The following HPSE2 variants were observed in gnomAD, a reference collection of about 807,000 sequenced individuals.
HPSE2 encodes heparanase 2 (inactive).
Under a neutral mutation model 60.5 loss-of-function variants are expected in HPSE2, and 38 were observed. The observed-to-expected ratio is 0.63, with a 90% CI of 0.48 to 0.82. The LOEUF (loss-of-function observed/expected upper bound fraction) is 0.82, where lower values mean the gene tolerates loss of function less well. Among genes scored for constraint, HPSE2 ranks in the 40% least tolerant of loss-of-function variants. The pLI, the probability that HPSE2 is intolerant of heterozygous loss-of-function variation, is 0.00. For missense variants in HPSE2, 713 were observed against 740.4 expected (o/e 0.96, Z 0.43); for synonymous variants, 295 against 293.2 (o/e 1.01, Z -0.06).
chr10:98,661,409 C>T (rs940519542), intron 6 of HPSE2, among the ~76,000 whole-genome samples: 2 of 152,138 alleles, frequency 1.3e-5, no homozygotes, highest in African/African-American at 4.8e-5. Flanking sequence ...GAACAAAAAG[C>T]ATATGGTAAA....
intron 9 of HPSE2, among the ~76,000 whole-genome samples, chr10:98,610,293 C>G (rs925237807): frequency 2.0e-5 from 3 of 152,184 alleles, no homozygotes; most frequent in Admixed American, 6.5e-5. Flanking sequence ...TGGAGGGAAA[C>G]AAGGATGGAG....
intron 3 of HPSE2, among the ~76,000 whole-genome samples, chr10:98,832,256 C>T (rs1565196026): frequency 6.6e-6 from 1 of 152,048 alleles, no homozygotes; most frequent in Non-Finnish European, 1.5e-5. Context: ...AGTCCTAAGA[C>T]CTAAAGTTTG....
chr10:99,018,305 G>A (rs1294098629), intron 3 of HPSE2, among the ~76,000 whole-genome samples: 1 of 152,214 alleles, frequency 6.6e-6, no homozygotes, highest in East Asian at 1.9e-4. Flanking sequence ...GCCAGGGAAT[G>A]GGAGTAGTTT....
Position 98,459,288 on chromosome 10 carries a change from G to C in HPSE2, c.*286C>G. On this transcript the variant is annotated 3_prime_UTR_variant, in exon 12 of 12. Coordinates refer to ENST00000370552, the MANE Select transcript of HPSE2 (RefSeq NM_021828.5). ...TCTCCTGGGAGTGTGCTGTCAGCTC[G>C]TTTTCATAGTGCACATGAAGGGAAA... 4 of 435,476 alleles carry C rather than the reference G, an allele frequency of 9.2e-6. No individual in the cohort carries two copies. The highest frequency in any genetic ancestry group is 1.3e-5 in the Non-Finnish European group (3 of 233,484). The allele number at this position is 435,476 out of a possible 1,614,324, so 27.0% of individuals were successfully genotyped here.
At chr10:98,928,158 C>T (rs1197490377) in intron 3 of HPSE2, among the ~76,000 whole-genome samples, 1 of 148,098 alleles carries the variant, frequency 6.8e-6, no homozygotes, top group East Asian at 2.0e-4. Context: ...AACAAACAAC[C>T]CCATCAAAAA....
At position 98,549,877 on chromosome 10, in the gene HPSE2, C is replaced by T. The variant is rs75634449; in HGVS notation, c.1321-59681G>A. ...CAAGTTGTCCTCAGTCTCCTTTTACCAGATCTATTCCTGAGCAATATCATC... is the reference window on the plus strand; with the variant it reads ...CAAGTTGTCCTCAGTCTCCTTTTACTAGATCTATTCCTGAGCAATATCATC... On this transcript the variant is annotated intron_variant, in intron 9 of 11. Transcript: ENST00000370552. Among the ~76,000 whole-genome samples the T allele has an allele frequency of 2.0e-3, 308 of 152,234 alleles. 1 individual carries two copies. Among genetic ancestry groups the T allele is most frequent in the African/African-American group, 6.4e-3 (265 of 41,548 alleles).
At chr10:98,661,138 T>C (rs533628344) in intron 6 of HPSE2, among the ~76,000 whole-genome samples, 40 of 152,288 alleles carry the variant, frequency 2.6e-4, no homozygotes, top group African/African-American at 8.7e-4. Context: ...ACAAGCCCGA[T>C]GCAGGCTGAG....
chr10:99,070,721 C>T (rs763243384), intron 3 of HPSE2, among the ~76,000 whole-genome samples: 3 of 152,104 alleles, frequency 2.0e-5, no homozygotes, highest in Non-Finnish European at 4.4e-5. Flanking sequence ...ATTGGTTTGG[C>T]TATTTTAGAT....
intron 3 of HPSE2, among the ~76,000 whole-genome samples, chr10:99,108,492 T>C (rs180739116): frequency 1.3e-5 from 2 of 152,198 alleles, no homozygotes; most frequent in African/African-American, 4.8e-5. Context: ...ATATATTTCA[T>C]GGCTAACTTA....
At chr10:98,483,455 G>C (rs1310448283) in intron 10 of HPSE2, among the ~76,000 whole-genome samples, 1 of 152,166 alleles carries the variant, frequency 6.6e-6, no homozygotes, top group African/African-American at 2.4e-5. Context: ...TATGTCATGT[G>C]TATAAACTTT....
intron 3 of HPSE2, among the ~76,000 whole-genome samples, chr10:98,802,390 T>C (rs564065155): frequency 3.6e-4 from 55 of 151,648 alleles, no homozygotes; most frequent in African/African-American, 1.3e-3. Context: ...TACATATGTA[T>C]ACATGTGCCA....
intron 6 of HPSE2, among the ~76,000 whole-genome samples, chr10:98,676,131 C>G (rs904672988): frequency 2.0e-5 from 3 of 152,048 alleles, no homozygotes; most frequent in African/African-American, 7.2e-5. Context: ...CTTTTAACAT[C>G]CATACATTTA....
rs34148639 is a variant in HPSE2, at chr10:99,224,420, G to GACACACAC, written c.448+7920_448+7927dup. ...ATTCATTCTCACTCTCTTTCTCTCT[G>GACACACAC]ACACACACACACACACACACACACA... On this transcript the variant is annotated intron_variant, in intron 2 of 11. Coordinates refer to ENST00000370552, the MANE Select transcript of HPSE2 (RefSeq NM_021828.5). Among the ~76,000 whole-genome samples, 991 of 143,658 alleles carry GACACACAC rather than the reference G, an allele frequency of 6.9e-3. 8 individuals carry two copies. Among genetic ancestry groups the GACACACAC allele is most frequent in the African/African-American group, 0.024 (941 of 39,730 alleles). 94.2% of individuals were successfully genotyped at this position (143,658 alleles called of 152,430 possible).
the HPSE2 span, among the ~76,000 whole-genome samples, chr10:99,291,609 C>T: frequency 4.0e-5 from 6 of 149,372 alleles, no homozygotes; most frequent in African/African-American, 7.4e-5. Flanking sequence ...AAAGAATCAC[C>T]ATATGTTAGT....
At chr10:99,246,375 T>C in the HPSE2 span, among the ~76,000 whole-genome samples, 2 of 152,214 alleles carry the variant, frequency 1.3e-5, no homozygotes, top group African/African-American at 2.4e-5. Context: ...ATGAACAGGC[T>C]AACAAATCCA....
At chr10:99,247,052 T>C in the HPSE2 span, among the ~76,000 whole-genome samples, 1 of 152,196 alleles carries the variant, frequency 6.6e-6, no homozygotes, top group East Asian at 1.9e-4. Flanking sequence ...TTCAGGACCC[T>C]AGTTTTAGAG....
In HPSE2 at chr10:98,754,505, G is replaced by C. The variant is rs529431579; in HGVS notation, c.611-10449C>G. Among the ~76,000 whole-genome samples, 50 of 151,716 alleles carry C rather than the reference G, an allele frequency of 3.3e-4. No homozygotes were observed. The South Asian group carries it at 9.4e-3, about 29-fold the overall frequency. On this transcript the variant is annotated intron_variant, in intron 3 of 11. Transcript: ENST00000370552. ...TTGACATTTAAATTTAGGAAATTCA[G>C]AGAACCCCTGTAAGATACTATCCAA...
rs60889251 is a variant in HPSE2 at position 98,792,640 on chromosome 10, C to CA, written c.611-48585dup. 4.9e-3 allele frequency among the ~76,000 whole-genome samples: 689 copies of CA among 139,720 alleles called. 4 individuals carry two copies. The highest frequency in any genetic ancestry group is 0.012 in the African/African-American group (464 of 38,264). 91.7% of individuals were successfully genotyped at this position (139,720 alleles called of 152,430 possible). A position where few individuals can be genotyped will look rare whatever the true frequency, so the allele number is the denominator to read the frequency against. ...AAGCCCAGCTCCATACAAATTCCTA[C>CA]AAAAAAAAAAAAAAAACACGAAGAA... is the stretch of plus-strand genomic sequence containing the variant. On this transcript the variant is annotated intron_variant, in intron 3 of 11. Transcript: ENST00000370552.
At position 98,802,300 on chromosome 10, in the gene HPSE2, A is replaced by ATT. The variant is rs35153153; in HGVS notation, c.611-58246_611-58245dup. 3.3e-3 allele frequency among the ~76,000 whole-genome samples: 490 copies of ATT among 148,686 alleles called. 6 individuals carry two copies. The highest frequency in any genetic ancestry group is 0.016 in the East Asian group (83 of 5,086). ...TCTTTTTTTTAAATTTTCTCTTTTT[A>ATT]TTTTTTTTTTGAGTTAATTTTTTAA... On this transcript the variant is annotated intron_variant, in intron 3 of 11. Transcript: ENST00000370552.
Sources: allele counts gnomAD v4.1 joint callset (sites outside exome capture counted in the v4.1 genomes callset), GRCh38; gene constraint gnomAD v4.1.1; transcripts MANE v1.5; gene names NCBI Gene and HGNC (gene_info 2026-07-23, HGNC 2026-07-21).